The following RAB37 variants were observed in gnomAD, a reference collection of about 807,000 sequenced individuals.
The protein encoded by RAB37 is RAB37, member RAS oncogene family, also known as ras-related protein Rab-37.
In RAB37, 29 loss-of-function variants were observed where a neutral mutation model predicts 33.1. The ratio of observed to expected loss-of-function variants is 0.88; its 90% CI spans 0.65 to 1.20. RAB37 has a LOEUF of 1.20. Among genes scored for constraint, RAB37 ranks in the 50% most tolerant of loss-of-function variants. RAB37 has a pLI of 0.00. For synonymous variants in RAB37, 128 were observed against 119.5 expected (o/e 1.07, Z -0.47); for missense variants, 299 against 301.1 (o/e 0.99, Z 0.05).
rs1266451789 is a variant in RAB37 at position 74,746,880 on chromosome 17, C to A, written c.*1469C>A. On this transcript the variant is annotated 3_prime_UTR_variant, in exon 9 of 9. Transcript: ENST00000392613. This position sits in a 1 kb window ranked among gnomAD's most constrained non-coding sequence, Gnocchi z 5.2. ...GAGGTCACCCATTTCCGAGTTAAAC[C>A]AATGCAATATGAGTAAAACAAAGTC... is the stretch of plus-strand genomic sequence containing the variant. The A allele has an allele frequency of 6.6e-6, 1 of 152,152 alleles. No homozygotes were observed. The highest frequency in any genetic ancestry group is 1.9e-4 in the East Asian group (1 of 5,194). The allele number at this position is 152,152 out of a possible 1,614,324, so 9.4% of individuals were successfully genotyped here. A position where few individuals can be genotyped will look rare whatever the true frequency, so the allele number is the denominator to read the frequency against.
chr17:74,685,041 GAACAA>G (rs1359783786), intron 1 of RAB37, among the ~76,000 whole-genome samples: 3 of 142,686 alleles, frequency 2.1e-5, no homozygotes, highest in African/African-American at 7.8e-5. Context: ...AAAACTAGAA[GAACAA>G]AAAGAAAATG....
chr17:74,706,184 G>A (rs934814545), intron 1 of RAB37, among the ~76,000 whole-genome samples: 2 of 151,726 alleles, frequency 1.3e-5, no homozygotes, highest in Non-Finnish European at 2.9e-5. Context: ...AGGTTTGATT[G>A]AGGCTCAAAC....
Position 74,742,854 on chromosome 17 carries a change from T to G in RAB37, c.247-275T>G, listed in dbSNP as rs1276233104. Among the ~76,000 whole-genome samples, 1 of 152,152 alleles carries G rather than the reference T, an allele frequency of 6.6e-6. No homozygotes were observed. The highest frequency in any genetic ancestry group is 1.5e-5 in the Non-Finnish European group (1 of 68,040). On this transcript the variant is annotated intron_variant, in intron 3 of 8. Coordinates refer to ENST00000392613, the MANE Select transcript of RAB37 (RefSeq NM_001006638.3). The surrounding 1 kb of genome is among the most constrained non-coding windows in gnomAD (Gnocchi z 4.0). ...GTTAGCCAGGATGGTCTGGATCTCC[T>G]GACCTCGTGATCCGCCTGCCTCGGC...
chr17:74,683,230 T>G (rs1177898835), intron 1 of RAB37, among the ~76,000 whole-genome samples: 2 of 152,194 alleles, frequency 1.3e-5, no homozygotes, highest in Admixed American at 1.3e-4. Flanking sequence ...CAGACCTCCC[T>G]CTATGGGTGG....
At chr17:74,713,791 G>A (rs1390534561) in intron 1 of RAB37, among the ~76,000 whole-genome samples, 1 of 149,340 alleles carries the variant, frequency 6.7e-6, no homozygotes, top group African/African-American at 2.5e-5. Flanking sequence ...GGCCAGGTAC[G>A]GTGGCTCACA....
intron 1 of RAB37, among the ~76,000 whole-genome samples, chr17:74,720,370 A>C (rs946027481): frequency 2.0e-4 from 30 of 152,188 alleles, no homozygotes; most frequent in African/African-American, 7.0e-4. Flanking sequence ...GGATCACCTG[A>C]GGCCAGGAGT....
chr17:74,708,698 G>A (rs11077760), intron 1 of RAB37, among the ~76,000 whole-genome samples: 20 of 152,028 alleles, frequency 1.3e-4, no homozygotes, highest in African/African-American at 4.8e-4. Flanking sequence ...GGGCGGATCA[G>A]GAGGTGAGGA....
intron 1 of RAB37, chr17:74,695,715 G>C (rs201453080): frequency 8.1e-6 from 13 of 1,614,090 alleles, no homozygotes; most frequent in Non-Finnish European, 1.1e-5. Context: ...AGCCCCCATG[G>C]AGGACGCACC....
intron 1 of RAB37, among the ~76,000 whole-genome samples, chr17:74,723,002 G>T (rs1263353212): frequency 6.6e-6 from 1 of 152,170 alleles, no homozygotes; most frequent in African/African-American, 2.4e-5. Flanking sequence ...CATTAGCCTG[G>T]CTCCCATTGA....
intron 1 of RAB37, among the ~76,000 whole-genome samples, chr17:74,695,434 C>G (rs1236783925): frequency 6.6e-6 from 1 of 152,200 alleles, no homozygotes; most frequent in African/African-American, 2.4e-5. Context: ...AGAACAGATT[C>G]TCCCCCAACC....
chr17:74,706,383 C>T (rs189263848), intron 1 of RAB37, among the ~76,000 whole-genome samples: 33 of 146,532 alleles, frequency 2.3e-4, no homozygotes, highest in Admixed American at 1.4e-3. Context: ...TCCCTGTATC[C>T]GGAATCTTTC....
chr17:74,735,006 A>AAAGG (rs1278575071), upstream of RAB37, among the ~76,000 whole-genome samples: 518 of 99,144 alleles, frequency 5.2e-3, 12 homozygotes, highest in Admixed American at 0.02. Context: ...AAAGAAAAAG[A>AAAGG]AAGGAAGGAA....
At chr17:74,695,580 G>T in intron 1 of RAB37, 1 of 1,175,024 alleles carries the variant, frequency 8.5e-7, no homozygotes, top group Non-Finnish European at 1.2e-6. Context: ...GCTCCTAGGC[G>T]AGTCCTGCAG....
chr17:74,736,781 G>A (rs1464823979), upstream of RAB37: 2 of 1,535,658 alleles, frequency 1.3e-6, no homozygotes, highest in Non-Finnish European at 8.7e-7. Flanking sequence ...CTCGGGCCGG[G>A]TGACTTAACA....
chr17:74,720,674 C>A lies in RAB37; in HGVS notation c.73-8582C>A. ...GATGGCTAAGTGTTAGCCAGCTCAGCGGAGAGTCAAGGTGACAGCCTTTTT... is the reference window on the plus strand; with the variant it reads ...GATGGCTAAGTGTTAGCCAGCTCAGAGGAGAGTCAAGGTGACAGCCTTTTT... On this transcript the variant is annotated intron_variant, in intron 1 of 7. Transcript: ENST00000340415. 1.3e-5 allele frequency among the ~76,000 whole-genome samples: 2 copies of A among 152,130 alleles called. 1 individual carries two copies. The highest frequency in any genetic ancestry group is 2.9e-5 in the Non-Finnish European group (2 of 68,020).
chr17:74,700,747 G>A (rs776050760), intron 1 of RAB37, among the ~76,000 whole-genome samples: 54 of 152,152 alleles, frequency 3.5e-4, no homozygotes, highest in Middle Eastern at 3.4e-3. Context: ...GCAACACTCC[G>A]TCTCAAAACA....
intron 1 of RAB37, among the ~76,000 whole-genome samples, chr17:74,728,427 T>C (rs1362550306): frequency 6.6e-6 from 1 of 152,062 alleles, no homozygotes; most frequent in Admixed American, 6.6e-5. Flanking sequence ...TGTGTGCATG[T>C]ATGTTTTGTG....
intron 1 of RAB37, among the ~76,000 whole-genome samples, chr17:74,711,136 G>A (rs964107988): frequency 1.3e-5 from 2 of 152,124 alleles, no homozygotes; most frequent in Non-Finnish European, 2.9e-5. Context: ...TTTAGAAGAG[G>A]GAAACAGGGT....
At chr17:74,736,501 C>T, upstream of RAB37, 1 of 1,411,908 alleles carries the variant, frequency 7.1e-7, no homozygotes, top group Non-Finnish European at 9.2e-7. Context: ...TTATTTGGCT[C>T]CTCCTCGGGG....
Sources: gnomAD v4.1 joint callset for allele counts (sites outside exome capture counted in the v4.1 genomes callset) on GRCh38, gnomAD v4.1.1 for gene constraint, Gnocchi (gnomAD v3.1) non-coding constraint, MANE v1.5 for transcripts, NCBI Gene and HGNC (gene_info 2026-07-23, HGNC 2026-07-21) for gene names.